The following SPI1 variants were observed in gnomAD, a reference collection of about 807,000 sequenced individuals.
SPI1 encodes transcription factor PU.1.
In SPI1, 3 loss-of-function variants were observed where a neutral mutation model predicts 30.7. The ratio of observed to expected loss-of-function variants is 0.10; its 90% confidence interval spans 0.04 to 0.25. The LOEUF is 0.25. Among genes scored for constraint, SPI1 ranks in the 10% least tolerant of loss-of-function variants. The pLI is 1.00. For missense variants in SPI1, 261 were observed against 371.5 expected (o/e 0.70, Z 2.45); for synonymous variants, 169 against 157.1 (o/e 1.08, Z -0.56).
In SPI1 at chr11:47,375,713, A is replaced by G; in HGVS notation, c.62T>C (p.Val21Ala). Residue 21 changes from valine (V) to alanine (A), a missense_variant, in exon 2 of 5, where the codon GTG (valine) becomes GCG (alanine). Coordinates refer to ENST00000378538, the MANE Select transcript of SPI1 (RefSeq NM_003120.3). This position sits in a 1 kb window ranked among gnomAD's most constrained non-coding sequence, Gnocchi z 4.2. ...PLVPPPSEDL[V>A]PYDTDLYQRQ... ...TTGGTATAGATCCGTGTCATAGGGCACCAGGTCTTCTGATGGCTGCTGAGA... is the reference window on the plus strand; with the variant it reads ...TTGGTATAGATCCGTGTCATAGGGCGCCAGGTCTTCTGATGGCTGCTGAGA... 1 of 1,613,766 alleles carries G rather than the reference A, an allele frequency of 6.2e-7. No homozygotes were observed. The highest frequency in any genetic ancestry group is 8.5e-7 in the Non-Finnish European group (1 of 1,179,838).
chr11:47,354,970 G>A lies in SPI1; in HGVS notation c.*257C>T. 1 of 326,786 alleles carries A rather than the reference G, an allele frequency of 3.1e-6. No homozygotes were observed. The highest frequency in any genetic ancestry group is 5.5e-6 in the Non-Finnish European group (1 of 180,398). The allele number at this position is 326,786 out of a possible 1,614,324, so 20.2% of individuals were successfully genotyped here. ...TTGAGACTCCCAAGGCAGTACCCCG[G>A]GTCGTCCTCTGCAAGGTTGCCCCGG... is the stretch of plus-strand genomic sequence containing the variant. On this transcript the variant is annotated 3_prime_UTR_variant, in exon 5 of 5. Transcript: ENST00000378538.
chr11:47,364,821 G>T (rs1277718016), intron 2 of SPI1, among the ~76,000 whole-genome samples: 1 of 152,142 alleles, frequency 6.6e-6, no homozygotes, highest in East Asian at 1.9e-4. Flanking sequence ...GTAAATGTGG[G>T]ATCCTGCTGG....
intron 2 of SPI1, among the ~76,000 whole-genome samples, chr11:47,367,053 C>G (rs1213382446): frequency 6.6e-6 from 1 of 151,892 alleles, no homozygotes; most frequent in Admixed American, 6.6e-5. Flanking sequence ...GATGGATAGG[C>G]CAGTGCAAGA....
At chr11:47,356,405 TCACA>T (rs1440656728) in intron 4 of SPI1, among the ~76,000 whole-genome samples, 110 of 139,484 alleles carry the variant, frequency 7.9e-4, no homozygotes, top group African/African-American at 2.5e-3. Flanking sequence ...ACATGCACAC[TCACA>T]CCCACCCAAT....
At chr11:47,358,648 G>T (rs138325794) in intron 4 of SPI1, 196 bp downstream of exon 4, 2 of 711,808 alleles carry the variant, frequency 2.8e-6, no homozygotes, top group Non-Finnish European at 5.1e-6. Context: ...GGAGATGCCC[G>T]TATGCACTAC....
intron 2 of SPI1, among the ~76,000 whole-genome samples, chr11:47,362,570 CTTTTTTTTTTTT>C (rs377422572): frequency 1.9e-5 from 2 of 108,028 alleles, no homozygotes; most frequent in African/African-American, 7.2e-5. Context: ...GACCCTGTCT[CTTTTTTTTTTTT>C]TTTTTTTTTC....
At chr11:47,366,814 G>T (rs934983950) in intron 2 of SPI1, among the ~76,000 whole-genome samples, 2 of 103,420 alleles carry the variant, frequency 1.9e-5, no homozygotes, top group Non-Finnish European at 3.9e-5. Flanking sequence ...AGAGTGGAAC[G>T]CTGTCTCAAA....
intron 2 of SPI1, among the ~76,000 whole-genome samples, chr11:47,368,760 G>T (rs1410504179): frequency 6.6e-6 from 1 of 152,076 alleles, no homozygotes; most frequent in African/African-American, 2.4e-5. Flanking sequence ...GCCAGAGGCT[G>T]GGGGGAGGGA....
intron 4 of SPI1, among the ~76,000 whole-genome samples, chr11:47,356,378 C>T (rs1405287940): frequency 6.6e-6 from 1 of 150,606 alleles, no homozygotes; most frequent in Non-Finnish European, 1.5e-5. Flanking sequence ...ATGCTCACAC[C>T]TCATTCACAC....
chr11:47,356,898 C>T (rs1002500709), intron 4 of SPI1, among the ~76,000 whole-genome samples: 2 of 149,444 alleles, frequency 1.3e-5, no homozygotes, highest in Non-Finnish European at 3.0e-5. Context: ...ACACACGCCC[C>T]TGCTCACACA....
At chr11:47,366,663 G>A (rs12801188) in intron 2 of SPI1, among the ~76,000 whole-genome samples, 38,713 of 151,678 alleles carry the variant, frequency 0.26, 6,234 homozygotes, top group Non-Finnish European at 0.36. Flanking sequence ...ACTAAAAATA[G>A]AAAAAAAATT....
intron 4 of SPI1, among the ~76,000 whole-genome samples, chr11:47,357,672 T>C (rs1422529893): frequency 6.6e-6 from 1 of 152,206 alleles, no homozygotes; most frequent in Non-Finnish European, 1.5e-5. Context: ...TTCAAGCAAT[T>C]CTCCTGTCTC....
chr11:47,358,981 A>G lies in SPI1; in HGVS notation c.356T>C (p.Leu119Pro). Residue 119 changes from leucine to proline, a missense_variant, in exon 4 of 5, where the codon CTC becomes CCC. Leu to Pro is a moderately conservative substitution (Grantham distance 98, BLOSUM62 -3). This residue lies in a region of SPI1 where 106 missense variants were observed against 102.0 expected (regional missense o/e 1.04). Transcript: ENST00000378538. Reference sequence around the variant, plus strand: ...GGCTGGGGACAGGGATGGGTACTGGAGGCACATCCGGGGCAGGTAGGAGAC... The same window carrying G: ...GGCTGGGGACAGGGATGGGTACTGGGGGCACATCCGGGGCAGGTAGGAGAC... The part of the protein sequence containing the change: ...HQVSYLPRMC[L>P]QYPSLSPAQP... 1 of 1,536,602 alleles carries G rather than the reference A, an allele frequency of 6.5e-7. No individual in the cohort carries two copies. The highest frequency in any genetic ancestry group is 8.8e-7 in the Non-Finnish European group (1 of 1,142,198).
chr11:47,357,492 C>A (rs766418566), intron 4 of SPI1, among the ~76,000 whole-genome samples: 10 of 151,742 alleles, frequency 6.6e-5, no homozygotes, highest in Non-Finnish European at 1.5e-4. Flanking sequence ...CACACACATT[C>A]TGCTCTCACA....
At position 47,374,912 on chromosome 11, in the gene SPI1, G is replaced by A. The variant is rs979150036; in HGVS notation, c.142+721C>T. Among the ~76,000 whole-genome samples, 1 of 152,210 alleles carries A rather than the reference G, an allele frequency of 6.6e-6. No individual in the cohort carries two copies. The highest frequency in any genetic ancestry group is 1.5e-5 in the Non-Finnish European group (1 of 68,042). On this transcript the variant is annotated intron_variant, in intron 2 of 4. Transcript: ENST00000378538. This position sits in a 1 kb window ranked among gnomAD's most constrained non-coding sequence, Gnocchi z 4.5. ...TCTTCCTCCCACTTCAGCAAACTGG[G>A]GGCCTCGGCCTCTGCTGAACAAGAG...
intron 4 of SPI1, among the ~76,000 whole-genome samples, chr11:47,357,081 C>G (rs1009004429): frequency 6.6e-6 from 1 of 151,610 alleles, no homozygotes; most frequent in Admixed American, 6.6e-5. Flanking sequence ...GCTAACACTT[C>G]ACACATGCTA....
chr11:47,358,480 T>G, intron 4 of SPI1: 2 of 645,188 alleles, frequency 3.1e-6, no homozygotes, highest in Admixed American at 4.2e-5. Flanking sequence ...CCACACCAGC[T>G]CTCACATTCA....
intron 4 of SPI1, 85 bp from the exon 5 acceptor site, chr11:47,355,631 G>C (rs1165859174): frequency 9.1e-5 from 112 of 1,231,518 alleles, no homozygotes; most frequent in Non-Finnish European, 1.2e-4. Context: ...CAGGGGCCCG[G>C]GGACGGGGTG....
chr11:47,370,886 G>A (rs1449890839), intron 2 of SPI1, among the ~76,000 whole-genome samples: 1 of 152,152 alleles, frequency 6.6e-6, no homozygotes. Flanking sequence ...GTGAGTGTGT[G>A]TGTGTGTGTG....
Sources: gnomAD v4.1 joint callset for allele counts (sites outside exome capture counted in the v4.1 genomes callset) on GRCh38, gnomAD v4.1.1 for gene constraint, gnomAD v4.1.1 regional missense constraint, Gnocchi (gnomAD v3.1) non-coding constraint, MANE v1.5 for transcripts, NCBI Gene and HGNC (gene_info 2026-07-23, HGNC 2026-07-21) for gene names.